CLMN: variants seen among roughly 807,000 people sequenced by gnomAD.
CLMN encodes the protein calmin.
CLMN carries 57 observed loss-of-function variants against 92.7 expected under a neutral mutation model. The ratio of observed to expected loss-of-function variants is 0.61; its 90% CI spans 0.50 to 0.77. CLMN has a LOEUF of 0.77. Ranked by LOEUF, CLMN falls within the 30% of genes least tolerant of loss-of-function variation. CLMN has a pLI of 0.00. For missense variants in CLMN, 1,158 were observed against 1,237.5 expected (o/e 0.94, Z 0.96); for synonymous variants, 466 against 470.6 (o/e 0.99, Z 0.13).
intron 9 of CLMN, among the ~76,000 whole-genome samples, chr14:95,199,607 C>T (rs1896819726): frequency 6.6e-6 from 1 of 152,180 alleles, no homozygotes; most frequent in African/African-American, 2.4e-5. Flanking sequence ...AAGATCAATA[C>T]ACAAATGTCC....
At chr14:95,231,341 C>T (rs868822115) in intron 1 of CLMN, among the ~76,000 whole-genome samples, 2 of 151,994 alleles carry the variant, frequency 1.3e-5, no homozygotes, top group Admixed American at 6.6e-5. Context: ...GGACTACAGG[C>T]GCGCACCACC....
intron 1 of CLMN, among the ~76,000 whole-genome samples, chr14:95,282,451 G>A (rs980878017): frequency 1.5e-4 from 23 of 152,230 alleles, no homozygotes; most frequent in Admixed American, 5.9e-4. Context: ...GGAAGGGTCA[G>A]ATCAGAGCAA....
At chr14:95,201,532 T>C (rs1387369414) in intron 9 of CLMN, among the ~76,000 whole-genome samples, 6 of 151,904 alleles carry the variant, frequency 3.9e-5, no homozygotes, top group African/African-American at 1.5e-4. Context: ...TTTTTATTAG[T>C]TTGTTTGTTT....
At position 95,286,776 on chromosome 14, in the gene CLMN, G is replaced by A. The variant is rs553969407; in HGVS notation, c.82+32935C>T. Among the ~76,000 whole-genome samples the A allele has an allele frequency of 4.6e-5, 7 of 152,286 alleles. No individual in the cohort carries two copies. In the East Asian group the frequency reaches 1.3e-3, roughly 29 times the overall value. On this transcript the variant is annotated intron_variant, in intron 1 of 12. Transcript: ENST00000298912. ...CCTTCCATGAGGCAGAGAGAACAGTGAGTTCAAAGGCCCTGAAGAGAGAGC... is the reference window on the plus strand; with the variant it reads ...CCTTCCATGAGGCAGAGAGAACAGTAAGTTCAAAGGCCCTGAAGAGAGAGC...
At chr14:95,244,795 A>G (rs1026160437) in intron 1 of CLMN, among the ~76,000 whole-genome samples, 1 of 151,936 alleles carries the variant, frequency 6.6e-6, no homozygotes. Flanking sequence ...ATATCATATC[A>G]CTAACAGATC....
Position 95,220,034 on chromosome 14 carries a change from T to G in CLMN, c.324+1657A>C, listed in dbSNP as rs182009733. Reference sequence around the variant, plus strand: ...CAAAAACTTCCCTGTCCTGGACATTTCATATGAATAGAATCATATAATAAG... The same window carrying G: ...CAAAAACTTCCCTGTCCTGGACATTGCATATGAATAGAATCATATAATAAG... On this transcript the variant is annotated intron_variant, in intron 4 of 12. Coordinates refer to ENST00000298912, the MANE Select transcript of CLMN (RefSeq NM_024734.4). Among the ~76,000 whole-genome samples, 318 of 152,280 alleles carry G rather than the reference T, an allele frequency of 2.1e-3. 1 individual carries two copies. Among genetic ancestry groups the G allele is most frequent in the Non-Finnish European group, 3.6e-3 (248 of 68,022 alleles).
At chr14:95,216,597 C>T (rs2140605969) in intron 4 of CLMN, among the ~76,000 whole-genome samples, 1 of 152,324 alleles carries the variant, frequency 6.6e-6, no homozygotes, top group African/African-American at 2.4e-5. Flanking sequence ...CCGACATGAG[C>T]AGTCACGGAC....
chr14:95,232,459 T>C (rs11160237), intron 1 of CLMN, among the ~76,000 whole-genome samples: 3,912 of 152,336 alleles, frequency 0.026, 188 homozygotes, highest in African/African-American at 0.089. Flanking sequence ...TTTGGCAGAA[T>C]GTGGCACCCA....
Position 95,210,712 on chromosome 14 carries a change from T to C in CLMN, c.776A>G (p.His259Arg), listed in dbSNP as rs755276214. The C allele has an allele frequency of 6.2e-7, 1 of 1,607,824 alleles. No homozygotes were observed. Among genetic ancestry groups the C allele is most frequent in the Non-Finnish European group, 8.5e-7 (1 of 1,177,448 alleles). ...KAFSIAQDAL[H>R]IPRLLEPEDI... ...TTCTGGCTCCAGGAGCCTGGGGATG[T>C]GCAGGGCATCCTGTGCGATGCTGAA... The change falls in exon 7 of 13, where the codon CAC becomes CGC. Residue 259 changes from histidine to arginine, a missense_variant. His to Arg is a conservative substitution (Grantham distance 29). Coordinates refer to ENST00000298912, the MANE Select transcript of CLMN (RefSeq NM_024734.4).
At chr14:95,211,894 G>A (rs1235272703) in intron 6 of CLMN, among the ~76,000 whole-genome samples, 1 of 152,228 alleles carries the variant, frequency 6.6e-6, no homozygotes, top group East Asian at 1.9e-4. Context: ...TACTTTTCAT[G>A]GCGGTGGTGT....
chr14:95,312,473 C>T (rs184868047), intron 1 of CLMN, among the ~76,000 whole-genome samples: 35 of 152,302 alleles, frequency 2.3e-4, no homozygotes, highest in African/African-American at 7.5e-4. Flanking sequence ...CTACTTGTCA[C>T]GTGCCCTGGG....
chr14:95,283,063 C>G (rs1189131166), intron 1 of CLMN, among the ~76,000 whole-genome samples: 1 of 152,222 alleles, frequency 6.6e-6, no homozygotes, highest in African/African-American at 2.4e-5. Flanking sequence ...TGGTTTGTGT[C>G]CCCATCCAAA....
intron 1 of CLMN, among the ~76,000 whole-genome samples, chr14:95,290,285 C>T (rs1477188543): frequency 2.0e-5 from 3 of 152,212 alleles, no homozygotes; most frequent in Admixed American, 2.0e-4. Context: ...TTGACGCTCC[C>T]CCAAAGATGT....
chr14:95,220,544 T>G (rs1208871746), intron 4 of CLMN, among the ~76,000 whole-genome samples: 2 of 152,190 alleles, frequency 1.3e-5, no homozygotes, highest in African/African-American at 4.8e-5. Flanking sequence ...ACCTTTTGGC[T>G]GTTGTGAATT....
At chr14:95,255,506 G>A (rs146660492) in intron 1 of CLMN, among the ~76,000 whole-genome samples, 2 of 152,162 alleles carry the variant, frequency 1.3e-5, no homozygotes, top group African/African-American at 2.4e-5. Context: ...GCAGGAAAAA[G>A]CATAGTACAT....
At chr14:95,206,802 G>A (rs1897057355) in intron 8 of CLMN, among the ~76,000 whole-genome samples, 1 of 152,208 alleles carries the variant, frequency 6.6e-6, no homozygotes, top group Non-Finnish European at 1.5e-5. Flanking sequence ...AATTTTAGCT[G>A]TGGCTTTGAC....
At chr14:95,299,476 C>G (rs535586388) in intron 1 of CLMN, among the ~76,000 whole-genome samples, 6 of 152,246 alleles carry the variant, frequency 3.9e-5, no homozygotes, top group Non-Finnish European at 8.8e-5. Context: ...CTATGCTGCA[C>G]CAGGTGCAGC....
intron 1 of CLMN, among the ~76,000 whole-genome samples, chr14:95,316,482 T>C (rs1172531526): frequency 6.6e-6 from 1 of 152,214 alleles, no homozygotes; most frequent in Non-Finnish European, 1.5e-5. Context: ...GGCAGGCCTC[T>C]TGGGAGGGGC....
intron 5 of CLMN, 26 bp downstream of exon 5, chr14:95,215,615 G>A (rs772420890): frequency 3.8e-6 from 6 of 1,582,700 alleles, no homozygotes; most frequent in South Asian, 3.3e-5. Flanking sequence ...TCATGATTGT[G>A]TGTTTTGGAA....
Sources: gnomAD v4.1 joint callset for allele counts (sites outside exome capture counted in the v4.1 genomes callset) on GRCh38, gnomAD v4.1.1 for gene constraint, MANE v1.5 for transcripts, NCBI Gene and HGNC (gene_info 2026-07-23, HGNC 2026-07-21) for gene names.